Variants in KDM2A observed in about 807,000 individuals in gnomAD.
KDM2A encodes lysine-specific demethylase 2A.
Under a neutral mutation model 137.3 loss-of-function variants are expected in KDM2A, and 3 were observed. The observed-to-expected ratio is 0.02, with a 90% CI of 0.01 to 0.06. The LOEUF (loss-of-function observed/expected upper bound fraction) is 0.06, where lower values mean the gene tolerates loss of function less well. Ranked by LOEUF, KDM2A falls within the 10% of genes least tolerant of loss-of-function variation. KDM2A has a pLI of 1.00. For synonymous variants in KDM2A, 512 were observed against 541.5 expected (o/e 0.95, Z 0.76); for missense variants, 738 against 1,510.6 (o/e 0.49, Z 8.48).
intron 2 of KDM2A, among the ~76,000 whole-genome samples, chr11:67,138,482 TAGAA>T (rs1233733441): frequency 6.6e-6 from 1 of 152,152 alleles, no homozygotes; most frequent in Non-Finnish European, 1.5e-5. Flanking sequence ...GGGAACTAGT[TAGAA>T]AGGGAATTCT....
At chr11:67,137,945 G>A (rs1277299198) in intron 2 of KDM2A, among the ~76,000 whole-genome samples, 1 of 152,120 alleles carries the variant, frequency 6.6e-6, no homozygotes, top group African/African-American at 2.4e-5. Context: ...CTGCAGGCAT[G>A]TACCACCATG....
In KDM2A at chr11:67,245,552, T is replaced by G. The variant is rs939528919; in HGVS notation, c.1833+94T>G. The G allele has an allele frequency of 1.4e-6, 2 of 1,399,596 alleles. No homozygotes were observed. Among genetic ancestry groups the G allele is most frequent in the Admixed American group, 4.5e-5 (2 of 44,920 alleles). The allele number at this position is 1,399,596 out of a possible 1,614,324, so 86.7% of individuals were successfully genotyped here. ...GTGTAGAGTTAAAGAGACTTCAGAG[T>G]TGGAAAGAAAAGGTTTATACTCTCT... On this transcript the variant is annotated intron_variant, in intron 14 of 20. Transcript: ENST00000529006. The surrounding 1 kb of genome is among the most constrained non-coding windows in gnomAD (Gnocchi z 4.1).
At position 67,250,560 on chromosome 11, in the gene KDM2A, A is replaced by C. The variant is rs1186866199; in HGVS notation, c.2530A>C (p.Thr844Pro). 1 of 1,613,500 alleles carries C rather than the reference A, an allele frequency of 6.2e-7. No homozygotes were observed. The highest frequency in any genetic ancestry group is 1.7e-5 in the Admixed American group (1 of 59,972). ...GCTAGTGCAGCACTGCCCAGCCCGAACCCCCCAGCGTGGGGATGAGGAGGG... is the reference window on the plus strand; with the variant it reads ...GCTAGTGCAGCACTGCCCAGCCCGACCCCCCCAGCGTGGGGATGAGGAGGG... Reference protein sequence around the residue: ...RVLVQHCPARTPQRGDEEGLG... With the variant: ...RVLVQHCPARPPQRGDEEGLG... The change falls in exon 17 of 21, where the codon ACC becomes CCC. Residue 844 changes from threonine (T) to proline (P), a missense_variant. Thr to Pro is a conservative substitution (Grantham distance 38, BLOSUM62 -1). This residue lies in a region of KDM2A where 244 missense variants were observed against 324.6 expected (regional missense o/e 0.75). Transcript: ENST00000529006. This position sits in a 1 kb window ranked among gnomAD's most constrained non-coding sequence, Gnocchi z 7.1.
At chr11:67,244,694 G>A (rs1200349937) in intron 13 of KDM2A, among the ~76,000 whole-genome samples, 1 of 152,078 alleles carries the variant, frequency 6.6e-6, no homozygotes, top group East Asian at 1.9e-4. Flanking sequence ...CATGAAAGCA[G>A]CCATTGATTG....
intron 15 of KDM2A, 127 bp from the exon 16 acceptor site, chr11:67,248,154 G>T: frequency 1.5e-6 from 1 of 686,300 alleles, no homozygotes. Flanking sequence ...GGGCTGGATT[G>T]CTCACAGTTT....
intron 10 of KDM2A, among the ~76,000 whole-genome samples, chr11:67,227,281 G>A (rs554954554): frequency 7.2e-5 from 11 of 152,194 alleles, no homozygotes; most frequent in African/African-American, 2.6e-4. Context: ...GACTAGACAC[G>A]GTCTGAGAGT....
chr11:67,255,510 C>T lies in KDM2A; in HGVS notation c.*455C>T, dbSNP rs1428045180. 4.4e-6 allele frequency: 2 copies of T among 457,256 alleles called. No homozygotes were observed. The highest frequency in any genetic ancestry group is 8.8e-6 in the Non-Finnish European group (2 of 227,422). 28.3% of individuals were successfully genotyped at this position (457,256 alleles called of 1,614,324 possible). A position where few individuals can be genotyped will look rare whatever the true frequency, so the allele number is the denominator to read the frequency against. On this transcript the variant is annotated 3_prime_UTR_variant, in exon 21 of 21. Transcript: ENST00000529006. ...TTGTGGTGTCCAGTGCGCGTCTCTC[C>T]TCCATCACACTCTCCCGGCTTGCGC...
intron 2 of KDM2A, among the ~76,000 whole-genome samples, chr11:67,176,251 A>AT (rs1158369144): frequency 3.3e-5 from 5 of 151,902 alleles, no homozygotes; most frequent in South Asian, 2.1e-4. Flanking sequence ...TATTTCTTTC[A>AT]TTTTTTATGA....
rs1252274469 is a variant in KDM2A at position 67,190,768 on chromosome 11, A to C, written c.307+8876A>C. On this transcript the variant is annotated intron_variant, in intron 5 of 20. Transcript: ENST00000529006. ...AGAGCGAGACTCTTTAAAAAAAAAAATACTACGAACAATTGTTCATCAATA... is the reference window on the plus strand; with the variant it reads ...AGAGCGAGACTCTTTAAAAAAAAAACTACTACGAACAATTGTTCATCAATA... Among the ~76,000 whole-genome samples the C allele has an allele frequency of 2.0e-5, 3 of 152,182 alleles. No individual in the cohort carries two copies. In the East Asian group the frequency reaches 5.8e-4, roughly 29 times the overall value.
chr11:67,254,684 A>G lies in KDM2A; in HGVS notation c.3308-190A>G, dbSNP rs551282756. 2.8e-4 allele frequency among the ~76,000 whole-genome samples: 42 copies of G among 152,212 alleles called. No individual in the cohort carries two copies. Among genetic ancestry groups the G allele is most frequent in the Non-Finnish European group, 4.7e-4 (32 of 68,002 alleles). On this transcript the variant is annotated intron_variant, in intron 20 of 20. Coordinates refer to ENST00000529006, the MANE Select transcript of KDM2A (RefSeq NM_012308.3). The surrounding 1 kb of genome is among the most constrained non-coding windows in gnomAD (Gnocchi z 4.7). ...TTGCAGCCCTTGTGCTTGTTGTCAT[A>G]TGGTGATGGGAGTGAGGCAGCAGGG...
intron 4 of KDM2A, 61 bp from the exon 5 acceptor site, chr11:67,181,785 A>G: frequency 6.8e-7 from 1 of 1,462,876 alleles, no homozygotes; most frequent in Non-Finnish European, 9.6e-7. Context: ...TAAGAAAAAA[A>G]ACTCACATTT....
At chr11:67,151,592 C>G (rs1856392098) in intron 2 of KDM2A, among the ~76,000 whole-genome samples, 1 of 152,044 alleles carries the variant, frequency 6.6e-6, no homozygotes. Flanking sequence ...CTCAGGTGAT[C>G]TGCCCACCTC....
At chr11:67,228,998 A>G (rs1858631177) in intron 11 of KDM2A, among the ~76,000 whole-genome samples, 2 of 152,156 alleles carry the variant, frequency 1.3e-5, no homozygotes, top group Non-Finnish European at 2.9e-5. Flanking sequence ...TTGGAATTAC[A>G]GGTGTGAGCC....
At chr11:67,248,421 G>A in intron 16 of KDM2A, 51 bp downstream of exon 16, 8 of 1,259,362 alleles carry the variant, frequency 6.4e-6, no homozygotes, top group South Asian at 1.3e-5. Context: ...GGCATCAAAT[G>A]TGGGGGATTG....
intron 8 of KDM2A, chr11:67,217,495 A>G: frequency 3.9e-6 from 2 of 517,016 alleles, no homozygotes; most frequent in South Asian, 2.1e-5. Flanking sequence ...CGAGTCCTGG[A>G]TGGTGTATAG....
chr11:67,134,114 A>G (rs761022447), intron 2 of KDM2A, among the ~76,000 whole-genome samples: 3 of 152,228 alleles, frequency 2.0e-5, no homozygotes, highest in Non-Finnish European at 4.4e-5. Flanking sequence ...TTTAGCTTGG[A>G]TTACCAGGAA....
chr11:67,180,466 G>A (rs912174921), intron 3 of KDM2A: 2 of 337,646 alleles, frequency 5.9e-6, no homozygotes, highest in Non-Finnish European at 1.1e-5. Flanking sequence ...TTTGCCTAAC[G>A]GCCTCTTCCT....
At chr11:67,215,651 C>A in intron 7 of KDM2A, 1 of 618,290 alleles carries the variant, frequency 1.6e-6, no homozygotes, top group Non-Finnish European at 2.8e-6. Flanking sequence ...GGAAAAAAAA[C>A]TTACATTTTA....
At chr11:67,251,265 A>C (rs1859416646) in intron 17 of KDM2A, among the ~76,000 whole-genome samples, 1 of 152,206 alleles carries the variant, frequency 6.6e-6, no homozygotes, top group Admixed American at 6.5e-5. Flanking sequence ...CATGCTTTTC[A>C]AGATGAATTT....
Sources: allele counts gnomAD v4.1 joint callset (sites outside exome capture counted in the v4.1 genomes callset), GRCh38; gene constraint gnomAD v4.1.1; regional missense constraint gnomAD v4.1.1; non-coding constraint Gnocchi (gnomAD v3.1); transcripts MANE v1.5; gene names NCBI Gene and HGNC (gene_info 2026-07-23, HGNC 2026-07-21).